ZIC2: variants seen among roughly 807,000 people sequenced by gnomAD.
ZIC2 encodes zinc finger protein ZIC 2.
Under a neutral mutation model 29.5 loss-of-function variants are expected in ZIC2, and 7 were observed. The ratio of observed to expected loss-of-function variants is 0.24; its 90% CI spans 0.14 to 0.45. The LOEUF is 0.45. Among genes scored for constraint, ZIC2 ranks in the 20% least tolerant of loss-of-function variants. The probability of loss-of-function intolerance (pLI) is 1.00; values close to 1 mark genes in which losing one functional copy is unlikely to be tolerated. For synonymous variants in ZIC2, 408 were observed against 354.2 expected (o/e 1.15, Z -1.70); for missense variants, 589 against 781.2 (o/e 0.75, Z 2.93).
Position 99,982,355 on chromosome 13 carries a change from G to C in ZIC2, c.291G>C (p.Ala97=), listed in dbSNP as rs1478395009. The C allele has an allele frequency of 5.6e-5, 82 of 1,470,932 alleles. No homozygotes were observed. The highest frequency in any genetic ancestry group is 6.8e-5 in the Non-Finnish European group (76 of 1,113,420). 91.1% of individuals were successfully genotyped at this position (1,470,932 alleles called of 1,614,324 possible). ...GSAAAAAAAA[A]LGPHAAHVGS... Reference sequence around the variant, plus strand: ...CTGCGGCTGCCGCTGCGGCCGCAGCGCTCGGGCCCCACGCCGCGCACGTTG... The same window carrying C: ...CTGCGGCTGCCGCTGCGGCCGCAGCCCTCGGGCCCCACGCCGCGCACGTTG... Residue 97 remains alanine, a synonymous_variant, in exon 1 of 3, where the codon GCG becomes GCC. Transcript: ENST00000376335.
chr13:99,981,891 G>T lies in ZIC2; in HGVS notation c.-174G>T. 1 of 1,216,284 alleles carries T rather than the reference G, an allele frequency of 8.2e-7. No homozygotes were observed. The highest frequency in any genetic ancestry group is 1.1e-6 in the Non-Finnish European group (1 of 950,820). 75.3% of individuals were successfully genotyped at this position (1,216,284 alleles called of 1,614,324 possible). On this transcript the variant is annotated 5_prime_UTR_variant, in exon 1 of 3. In the 5' UTR this introduces an upstream ATG that the reference lacks. Transcript: ENST00000376335. ...CGCCCGGCCGCCCGAGGCAGATCCAGGCGGCGGCGGAGGCGGCGGGCGCAG... is the reference window on the plus strand; with the variant it reads ...CGCCCGGCCGCCCGAGGCAGATCCATGCGGCGGCGGAGGCGGCGGGCGCAG...
At position 99,983,651 on chromosome 13, in the gene ZIC2, C is replaced by G. The variant is rs908911517; in HGVS notation, c.1075+512C>G. 1.3e-5 allele frequency among the ~76,000 whole-genome samples: 2 copies of G among 151,986 alleles called. No individual in the cohort carries two copies. Among genetic ancestry groups the G allele is most frequent in the African/African-American group, 4.8e-5 (2 of 41,354 alleles). ...TCTGGTGTGAGCCGAAGCTGTAATGCGTTTCTCATTTTTAAAGTGTTTTTA... is the reference window on the plus strand; with the variant it reads ...TCTGGTGTGAGCCGAAGCTGTAATGGGTTTCTCATTTTTAAAGTGTTTTTA... On this transcript the variant is annotated intron_variant, in intron 1 of 2. Coordinates refer to ENST00000376335, the MANE Select transcript of ZIC2 (RefSeq NM_007129.5). The surrounding 1 kb of genome is among the most constrained non-coding windows in gnomAD (Gnocchi z 4.7).
Position 99,981,833 on chromosome 13 carries a change from C to T in ZIC2, c.-232C>T. 1 of 823,712 alleles carries T rather than the reference C, an allele frequency of 1.2e-6. No individual in the cohort carries two copies. The highest frequency in any genetic ancestry group is 1.8e-6 in the Non-Finnish European group (1 of 570,472). The allele number at this position is 823,712 out of a possible 1,614,324, so 51.0% of individuals were successfully genotyped here. Reference sequence around the variant, plus strand: ...TCCTCCTCCTCCCGCGCCGCCGCCTCCTCCTCCTCTTCCTCTCCGCGCCTT... The same window carrying T: ...TCCTCCTCCTCCCGCGCCGCCGCCTTCTCCTCCTCTTCCTCTCCGCGCCTT... On this transcript the variant is annotated 5_prime_UTR_variant, in exon 1 of 3. Coordinates refer to ENST00000376335, the MANE Select transcript of ZIC2 (RefSeq NM_007129.5).
Position 99,982,159 on chromosome 13 carries a change from C to T in ZIC2, c.95C>T (p.Ala32Val). ...TCCGCCGCGGCGGCGGCGGCGGCTG[C>T]CGCCGAGATGCAGGACCGTGAACTG... Reference protein sequence around the residue: ...HHSAAAAAAAAAEMQDRELSL... With the variant: ...HHSAAAAAAAVAEMQDRELSL... Residue 32 changes from alanine to valine, a missense_variant, in exon 1 of 3, where the codon GCC becomes GTC. Physicochemically the swap from Ala to Val is moderately conservative, Grantham distance 64. Around this residue, in one of 7 missense-constraint regions of ZIC2, gnomAD observed 358 missense variants for 382.0 expected, o/e 0.94. Transcript: ENST00000376335. The T allele has an allele frequency of 7.4e-7, 1 of 1,356,552 alleles. No individual in the cohort carries two copies. Among genetic ancestry groups the T allele is most frequent in the Non-Finnish European group, 9.4e-7 (1 of 1,059,974 alleles). The allele number at this position is 1,356,552 out of a possible 1,614,324, so 84.0% of individuals were successfully genotyped here.
rs963461662 is a variant in ZIC2 at position 99,985,698 on chromosome 13, C to T, written c.*16C>T. 4.1e-5 allele frequency: 55 copies of T among 1,326,084 alleles called. No individual in the cohort carries two copies. The highest frequency in any genetic ancestry group is 4.8e-5 in the Non-Finnish European group (49 of 1,013,080). The allele number at this position is 1,326,084 out of a possible 1,614,324, so 82.1% of individuals were successfully genotyped here. ...GTACGTGTGACGGGTCGGGGCCTCT[C>T]TCCCTCTCCCTGTCCCCACCCCAGC... On this transcript the variant is annotated 3_prime_UTR_variant, in exon 3 of 3. Transcript: ENST00000376335. The surrounding 1 kb of genome is among the most constrained non-coding windows in gnomAD (Gnocchi z 6.3).
Position 99,984,842 on chromosome 13 carries a change from C to A in ZIC2, c.1076-104C>A, listed in dbSNP as rs2053255303. ...GGACTGGTTTGAGGGACCCAGCCCCCTCAGGTCCTTCTCCCTCGCCGCGGC... is the reference window on the plus strand; with the variant it reads ...GGACTGGTTTGAGGGACCCAGCCCCATCAGGTCCTTCTCCCTCGCCGCGGC... On this transcript the variant is annotated intron_variant, in intron 1 of 2. Transcript: ENST00000376335. The A allele has an allele frequency of 4.0e-6, 6 of 1,482,826 alleles. No individual in the cohort carries two copies. In the South Asian group the frequency reaches 7.0e-5, roughly 17 times the overall value. 91.9% of individuals were successfully genotyped at this position (1,482,826 alleles called of 1,614,324 possible). A position where few individuals can be genotyped will look rare whatever the true frequency, so the allele number is the denominator to read the frequency against.
At position 99,982,152 on chromosome 13, in the gene ZIC2, G is replaced by A. The variant is rs775207399; in HGVS notation, c.88G>A (p.Ala30Thr). The A allele has an allele frequency of 4.2e-5, 57 of 1,345,708 alleles. No individual in the cohort carries two copies. Among genetic ancestry groups the A allele is most frequent in the Non-Finnish European group, 5.2e-5 (55 of 1,054,036 alleles). The allele number at this position is 1,345,708 out of a possible 1,614,324, so 83.4% of individuals were successfully genotyped here. A position where few individuals can be genotyped will look rare whatever the true frequency, so the allele number is the denominator to read the frequency against. ...HHHHSAAAAA[A>T]AAAEMQDREL... is the part of the protein sequence containing the mutation. Reference sequence around the variant, plus strand: ...TCACCACTCCGCCGCGGCGGCGGCGGCGGCTGCCGCCGAGATGCAGGACCG... The same window carrying A: ...TCACCACTCCGCCGCGGCGGCGGCGACGGCTGCCGCCGAGATGCAGGACCG... The change falls in exon 1 of 3, where the codon GCG (alanine) becomes ACG (threonine). Residue 30 changes from alanine (A) to threonine (T), a missense_variant. Physicochemically the swap from Ala to Thr is moderately conservative, Grantham distance 58 (BLOSUM62 0). Coordinates refer to ENST00000376335, the MANE Select transcript of ZIC2 (RefSeq NM_007129.5).
At position 99,982,481 on chromosome 13, in the gene ZIC2, C is replaced by G. The variant is rs2152162454; in HGVS notation, c.417C>G (p.Phe139Leu). The change falls in exon 1 of 3, where the codon TTC becomes TTG. Residue 139 changes from phenylalanine (F) to leucine (L), a missense_variant. This residue lies in a region of ZIC2 where 358 missense variants were observed against 382.0 expected (regional missense o/e 0.94). Transcript: ENST00000376335. ...CGGGCGGCGGGCAGCACGGGCTGTT[C>G]GGGCCGGGCGCGGGCGGCCTGCACC... Reference protein sequence around the residue: ...SAPGGGQHGLFGPGAGGLHHA... With the variant: ...SAPGGGQHGLLGPGAGGLHHA... The G allele has an allele frequency of 6.8e-7, 1 of 1,465,084 alleles. No individual in the cohort carries two copies. The highest frequency in any genetic ancestry group is 9.0e-7 in the Non-Finnish European group (1 of 1,114,278). 90.8% of individuals were successfully genotyped at this position (1,465,084 alleles called of 1,614,324 possible). A position where few individuals can be genotyped will look rare whatever the true frequency, so the allele number is the denominator to read the frequency against.
rs2053257900 is a variant in ZIC2 at position 99,985,192 on chromosome 13, G to A, written c.1239+83G>A. 6.2e-6 allele frequency: 10 copies of A among 1,608,592 alleles called. No homozygotes were observed. Among genetic ancestry groups the A allele is most frequent in the Non-Finnish European group, 5.9e-6 (7 of 1,177,130 alleles). On this transcript the variant is annotated intron_variant, in intron 2 of 2. Coordinates refer to ENST00000376335, the MANE Select transcript of ZIC2 (RefSeq NM_007129.5). This position sits in a 1 kb window ranked among gnomAD's most constrained non-coding sequence, Gnocchi z 6.3. Reference sequence around the variant, plus strand: ...GGCCCGGACCACCTCAGCCGGCCTGGGAGGGTCCCCAGGGGCCAGGGCGGC... The same window carrying A: ...GGCCCGGACCACCTCAGCCGGCCTGAGAGGGTCCCCAGGGGCCAGGGCGGC...
Position 99,985,454 on chromosome 13 carries a change from G to C in ZIC2, c.1371G>C (p.Ala457=). The change falls in exon 3 of 3, where the codon GCG becomes GCC. Residue 457 remains alanine, a synonymous_variant. Transcript: ENST00000376335. This position sits in a 1 kb window ranked among gnomAD's most constrained non-coding sequence, Gnocchi z 6.3. ...GCAGCTCCAACCTGTCCCCAGCGGC[G>C]GCGGCAGCGGCGGCGGCGGCTGCGG... ...PQSSSNLSPA[A]AAAAAAAAAA... 7.2e-7 allele frequency: 1 copy of C among 1,387,886 alleles called. No homozygotes were observed. The highest frequency in any genetic ancestry group is 9.3e-7 in the Non-Finnish European group (1 of 1,079,304). 86.0% of individuals were successfully genotyped at this position (1,387,886 alleles called of 1,614,324 possible).
rs1255272249 is a variant in ZIC2 at position 99,985,021 on chromosome 13, T to C, written c.1151T>C (p.Met384Thr). 1 of 1,614,034 alleles carries C rather than the reference T, an allele frequency of 6.2e-7. No homozygotes were observed. Among genetic ancestry groups the C allele is most frequent in the Non-Finnish European group, 8.5e-7 (1 of 1,180,004 alleles). ...FANSSDRKKH[M>T]HVHTSDKPYL... Reference sequence around the variant, plus strand: ...AACAGCAGCGACAGGAAGAAGCACATGCACGTCCACACCTCCGATAAGCCC... The same window carrying C: ...AACAGCAGCGACAGGAAGAAGCACACGCACGTCCACACCTCCGATAAGCCC... The change falls in exon 2 of 3, where the codon ATG becomes ACG. Residue 384 changes from methionine to threonine, a missense_variant. Coordinates refer to ENST00000376335, the MANE Select transcript of ZIC2 (RefSeq NM_007129.5). This position sits in a 1 kb window ranked among gnomAD's most constrained non-coding sequence, Gnocchi z 6.3.
rs1385641331 is a variant in ZIC2 at position 99,986,073 on chromosome 13, G to A, written c.*391G>A. 1 of 455,496 alleles carries A rather than the reference G, an allele frequency of 2.2e-6. No homozygotes were observed. Among genetic ancestry groups the A allele is most frequent in the East Asian group, 7.0e-5 (1 of 14,382 alleles). 28.2% of individuals were successfully genotyped at this position (455,496 alleles called of 1,614,324 possible). On this transcript the variant is annotated 3_prime_UTR_variant, in exon 3 of 3. Transcript: ENST00000376335. ...CTTTCTCCTCCGAGGTGGTTTTAAA[G>A]GCTTTTTGGTGTATAGAAGTTTGTC... is the stretch of plus-strand genomic sequence containing the variant.
chr13:99,985,768 ATGT>A lies in ZIC2; in HGVS notation c.*91_*93del, dbSNP rs935516494. ...CTAGCAGCGAGGGCACCTTGTGATCATGTTGTTAAAATTATGAATCTGATTTTT... is the reference window on the plus strand; with the variant it reads ...CTAGCAGCGAGGGCACCTTGTGATCATGTTAAAATTATGAATCTGATTTTT... On this transcript the variant is annotated 3_prime_UTR_variant, in exon 3 of 3. Coordinates refer to ENST00000376335, the MANE Select transcript of ZIC2 (RefSeq NM_007129.5). This position sits in a 1 kb window ranked among gnomAD's most constrained non-coding sequence, Gnocchi z 6.3. 2.5e-5 allele frequency: 18 copies of A among 731,008 alleles called. No individual in the cohort carries two copies. The highest frequency in any genetic ancestry group is 1.4e-4 in the East Asian group (2 of 14,812). 45.3% of individuals were successfully genotyped at this position (731,008 alleles called of 1,614,324 possible).
rs967461345 is a variant in ZIC2 at position 99,983,457 on chromosome 13, T to C, written c.1075+318T>C. On this transcript the variant is annotated intron_variant, in intron 1 of 2. Transcript: ENST00000376335. This position sits in a 1 kb window ranked among gnomAD's most constrained non-coding sequence, Gnocchi z 4.7. ...TTAAGTAGAAAGCACAAAATAAAAC[T>C]GCTCGCTAATTCGGTGCCCGGGAAG... Among the ~76,000 whole-genome samples, 8 of 152,234 alleles carry C rather than the reference T, an allele frequency of 5.3e-5. No individual in the cohort carries two copies. Among genetic ancestry groups the C allele is most frequent in the African/African-American group, 1.9e-4 (8 of 41,452 alleles).
rs1566406386 is a variant in ZIC2 at position 99,985,755 on chromosome 13, G to C, written c.*73G>C. 2 of 865,706 alleles carry C rather than the reference G, an allele frequency of 2.3e-6. No individual in the cohort carries two copies. The highest frequency in any genetic ancestry group is 1.6e-6 in the Non-Finnish European group (1 of 642,224). 53.6% of individuals were successfully genotyped at this position (865,706 alleles called of 1,614,324 possible). A position where few individuals can be genotyped will look rare whatever the true frequency, so the allele number is the denominator to read the frequency against. On this transcript the variant is annotated 3_prime_UTR_variant, in exon 3 of 3. Coordinates refer to ENST00000376335, the MANE Select transcript of ZIC2 (RefSeq NM_007129.5). The surrounding 1 kb of genome is among the most constrained non-coding windows in gnomAD (Gnocchi z 6.3). Reference sequence around the variant, plus strand: ...GCCCTCCCCGCAGCTAGCAGCGAGGGCACCTTGTGATCATGTTGTTAAAAT... The same window carrying C: ...GCCCTCCCCGCAGCTAGCAGCGAGGCCACCTTGTGATCATGTTGTTAAAAT...
Position 99,985,244 on chromosome 13 carries a change from C to A in ZIC2, c.1240-79C>A, listed in dbSNP as rs2053258338. On this transcript the variant is annotated intron_variant, in intron 2 of 2. Coordinates refer to ENST00000376335, the MANE Select transcript of ZIC2 (RefSeq NM_007129.5). The surrounding 1 kb of genome is among the most constrained non-coding windows in gnomAD (Gnocchi z 6.3). ...GGGGGAACATTTCTGGGGGTGCTCT[C>A]CCCCAGGGGCCCGGCCCCACAGCAG... The A allele has an allele frequency of 1.5e-5, 24 of 1,602,570 alleles. No individual in the cohort carries two copies. The highest frequency in any genetic ancestry group is 2.0e-5 in the Non-Finnish European group (24 of 1,177,634).
Position 99,986,556 on chromosome 13 carries a change from A to G in ZIC2, c.*874A>G, listed in dbSNP as rs932551699. 2.6e-5 allele frequency: 4 copies of G among 153,258 alleles called. No homozygotes were observed. The highest frequency in any genetic ancestry group is 1.9e-4 in the East Asian group (1 of 5,206). The allele number at this position is 153,258 out of a possible 1,614,324, so 9.5% of individuals were successfully genotyped here. ...CTTCCTTCTGTAAATACCCGTTACC[A>G]TATTTATCCATTTGTAATTAAATTA... On this transcript the variant is annotated 3_prime_UTR_variant, in exon 3 of 3. Coordinates refer to ENST00000376335, the MANE Select transcript of ZIC2 (RefSeq NM_007129.5).
Position 99,986,078 on chromosome 13 carries a change from T to TTTGG in ZIC2, c.*398_*401dup, listed in dbSNP as rs1315992733. On this transcript the variant is annotated 3_prime_UTR_variant, in exon 3 of 3. Transcript: ENST00000376335. ...TCCTCCGAGGTGGTTTTAAAGGCTT[T>TTTGG]TTGGTGTATAGAAGTTTGTCCATTT... The TTTGG allele has an allele frequency of 2.2e-6, 1 of 455,400 alleles. No individual in the cohort carries two copies. Among genetic ancestry groups the TTTGG allele is most frequent in the Non-Finnish European group, 4.4e-6 (1 of 226,768 alleles). 28.2% of individuals were successfully genotyped at this position (455,400 alleles called of 1,614,324 possible).
chr13:99,984,751 T>A (rs2053254551), intron 1 of ZIC2, 195 bp from the exon 2 acceptor site: 1 of 622,648 alleles, frequency 1.6e-6, no homozygotes, highest in African/African-American at 1.8e-5. Flanking sequence ...AAATACGAAA[T>A]AAATGAGCAG....
Sources: gnomAD v4.1 joint callset for allele counts (sites outside exome capture counted in the v4.1 genomes callset) on GRCh38, gnomAD v4.1.1 for gene constraint, gnomAD v4.1.1 regional missense constraint, Gnocchi (gnomAD v3.1) non-coding constraint, MANE v1.5 for transcripts, NCBI Gene and HGNC (gene_info 2026-07-23, HGNC 2026-07-21) for gene names.